Variants in TAFA1 observed in about 807,000 individuals in gnomAD.
The protein encoded by TAFA1 is chemokine-like protein TAFA-1.
TAFA1 carries 4 observed loss-of-function variants against 18.5 expected under a neutral mutation model. The observed-to-expected ratio is 0.22, with a 90% CI of 0.11 to 0.49. The LOEUF is 0.49. Ranked by LOEUF, TAFA1 falls within the 20% of genes least tolerant of loss-of-function variation. The pLI, the probability that TAFA1 is intolerant of heterozygous loss-of-function variation, is 0.98. For missense variants in TAFA1, 147 were observed against 169.0 expected (o/e 0.87, Z 0.72); for synonymous variants, 56 against 55.2 (o/e 1.01, Z -0.06).
chr3:68,292,421 AAAC>A (rs1416057116), intron 2 of TAFA1, among the ~76,000 whole-genome samples: 4 of 114,270 alleles, frequency 3.5e-5, no homozygotes, highest in Non-Finnish European at 7.7e-5. Flanking sequence ...CAAAAAAAAA[AAAC>A]AAAAAAAAAA....
intron 3 of TAFA1, among the ~76,000 whole-genome samples, chr3:68,433,983 G>A (rs963131686): frequency 6.6e-6 from 1 of 152,078 alleles, no homozygotes; most frequent in African/African-American, 2.4e-5. Context: ...CTTTTGTCCT[G>A]AGTGTATCAC....
chr3:68,093,510 A>G (rs993652107), intron 2 of TAFA1, among the ~76,000 whole-genome samples: 1 of 152,052 alleles, frequency 6.6e-6, no homozygotes, highest in African/African-American at 2.4e-5. Flanking sequence ...AAACTTTTAG[A>G]TCTTTCTTAT....
chr3:68,524,309 T>C (rs2106758060), intron 3 of TAFA1, among the ~76,000 whole-genome samples: 1 of 152,186 alleles, frequency 6.6e-6, no homozygotes, highest in South Asian at 2.1e-4. Context: ...TCTCTTCTTG[T>C]CTCTTGCTTG....
chr3:68,120,402 C>G (rs1009897695), intron 2 of TAFA1, among the ~76,000 whole-genome samples: 4 of 151,978 alleles, frequency 2.6e-5, no homozygotes, highest in Admixed American at 6.6e-5. Flanking sequence ...GTGTACAGCA[C>G]TGCACCTGGC....
At chr3:68,418,931 A>G (rs1210088424) in intron 3 of TAFA1, among the ~76,000 whole-genome samples, 1 of 152,164 alleles carries the variant, frequency 6.6e-6, no homozygotes, top group South Asian at 2.1e-4. Flanking sequence ...TGTGTCACGA[A>G]TTAAACTTAC....
intron 2 of TAFA1, among the ~76,000 whole-genome samples, chr3:68,086,562 A>G (rs549093762): frequency 3.3e-5 from 5 of 152,238 alleles, no homozygotes; most frequent in African/African-American, 4.8e-5. Context: ...CATTTTGACT[A>G]TAATTTTTCC....
intron 2 of TAFA1, among the ~76,000 whole-genome samples, chr3:68,227,666 A>G (rs1374226671): frequency 1.3e-5 from 2 of 152,224 alleles, no homozygotes; most frequent in East Asian, 1.9e-4. Flanking sequence ...AATGCTGACC[A>G]CTTATATATT....
At chr3:68,319,158 A>T (rs2068658215) in intron 2 of TAFA1, among the ~76,000 whole-genome samples, 2 of 152,218 alleles carry the variant, frequency 1.3e-5, no homozygotes, top group South Asian at 4.1e-4. Flanking sequence ...CCACAAAGAG[A>T]TTTGATCCTT....
chr3:68,451,933 G>A (rs950636136), intron 3 of TAFA1, among the ~76,000 whole-genome samples: 1 of 152,190 alleles, frequency 6.6e-6, no homozygotes, highest in East Asian at 1.9e-4. Context: ...GTTTTGTGCT[G>A]TTCTGCATGG....
chr3:68,426,577 A>C (rs951951050), intron 3 of TAFA1, among the ~76,000 whole-genome samples: 1 of 151,896 alleles, frequency 6.6e-6, no homozygotes, highest in African/African-American at 2.4e-5. Flanking sequence ...TCATCAATCA[A>C]ATAGGCAGAG....
chr3:68,048,668 T>C (rs1283533509), intron 2 of TAFA1, among the ~76,000 whole-genome samples: 1 of 152,082 alleles, frequency 6.6e-6, no homozygotes, highest in Non-Finnish European at 1.5e-5. Flanking sequence ...AAATCAATTG[T>C]TTTAATTTTT....
intron 2 of TAFA1, among the ~76,000 whole-genome samples, chr3:68,265,321 G>T (rs1379960513): frequency 6.6e-6 from 1 of 152,226 alleles, no homozygotes; most frequent in South Asian, 2.1e-4. Flanking sequence ...ACTCCAAAGG[G>T]CCCTGGCCTG....
chr3:68,257,967 A>G (rs1319935137), intron 2 of TAFA1, among the ~76,000 whole-genome samples: 3 of 152,184 alleles, frequency 2.0e-5, no homozygotes, highest in Non-Finnish European at 2.9e-5. Flanking sequence ...TGGACATTCC[A>G]TAAAATATCT....
intron 2 of TAFA1, among the ~76,000 whole-genome samples, chr3:68,120,237 CTTTCTT>C (rs2065380669): frequency 9.9e-6 from 1 of 100,600 alleles, no homozygotes; most frequent in South Asian, 3.4e-4. Flanking sequence ...TTCTTTCTTT[CTTTCTT>C]TCTTTCTTTC....
At chr3:68,217,154 A>G (rs1200819842) in intron 2 of TAFA1, among the ~76,000 whole-genome samples, 2 of 152,104 alleles carry the variant, frequency 1.3e-5, no homozygotes, top group African/African-American at 2.4e-5. Flanking sequence ...AACACAAACA[A>G]AAGTAATTGC....
intron 2 of TAFA1, among the ~76,000 whole-genome samples, chr3:68,253,752 C>A (rs1340250254): frequency 6.6e-6 from 1 of 152,058 alleles, no homozygotes; most frequent in Non-Finnish European, 1.5e-5. Context: ...GTCAATGATA[C>A]TAAATTAGAA....
At chr3:68,367,090 T>A (rs944602390) in intron 2 of TAFA1, among the ~76,000 whole-genome samples, 1 of 152,106 alleles carries the variant, frequency 6.6e-6, no homozygotes, top group Non-Finnish European at 1.5e-5. Context: ...CCTTATGGGG[T>A]GGTTGTGAGA....
chr3:68,078,970 T>C (rs565126563), intron 2 of TAFA1, among the ~76,000 whole-genome samples: 28 of 152,334 alleles, frequency 1.8e-4, no homozygotes, highest in Non-Finnish European at 3.5e-4. Context: ...AAGCTATTGA[T>C]TGTTGCCACA....
chr3:68,195,513 C>T (rs190968700), intron 2 of TAFA1, among the ~76,000 whole-genome samples: 2 of 151,196 alleles, frequency 1.3e-5, no homozygotes, highest in East Asian at 2.0e-4. Context: ...ACTGCCCCAC[C>T]GAAAGGACAT....
Sources: allele counts gnomAD v4.1 joint callset (sites outside exome capture counted in the v4.1 genomes callset), GRCh38; gene constraint gnomAD v4.1.1; transcripts MANE v1.5; gene names NCBI Gene and HGNC (gene_info 2026-07-23, HGNC 2026-07-21).